Variants in DAB1 observed in about 807,000 individuals in gnomAD.
The protein encoded by DAB1 is DAB adaptor protein 1, also known as disabled homolog 1.
In DAB1, 15 loss-of-function variants were observed where a neutral mutation model predicts 64.6. The ratio of observed to expected loss-of-function variants is 0.23; its 90% CI spans 0.16 to 0.36. The LOEUF (loss-of-function observed/expected upper bound fraction) is 0.36. DAB1 is among the 10% of genes least tolerant of loss of function. The pLI, the probability that DAB1 is intolerant of heterozygous loss-of-function variation, is 1.00. For missense variants in DAB1, 596 were observed against 706.7 expected, an observed-to-expected ratio of 0.84 and a Z score of 1.78; for synonymous variants, 235 against 251.9, an observed-to-expected ratio of 0.93 and a Z score of 0.64.
chr1:57,941,652 T>A (rs549941062), intron 5 of DAB1, among the ~76,000 whole-genome samples: 1 of 152,100 alleles, frequency 6.6e-6, no homozygotes, highest in Admixed American at 6.6e-5. Flanking sequence ...CTGGCTAACA[T>A]GGTGAAACCC....
chr1:57,886,934 TG>T (rs1259039612), upstream of DAB1, among the ~76,000 whole-genome samples: 2 of 152,226 alleles, frequency 1.3e-5, no homozygotes, highest in Non-Finnish European at 2.9e-5. Context: ...GGTTGGCAAA[TG>T]GTAAGTTTGG....
chr1:58,490,678 AG>A (rs1342616484), intron 3 of DAB1, among the ~76,000 whole-genome samples: 1 of 152,044 alleles, frequency 6.6e-6, no homozygotes, highest in African/African-American at 2.4e-5. Context: ...AAAAATGTTA[AG>A]GGCAGCTAGA....
intron 9 of DAB1, among the ~76,000 whole-genome samples, chr1:57,032,742 G>C (rs577630725): frequency 1.3e-5 from 2 of 152,308 alleles, no homozygotes; most frequent in South Asian, 4.1e-4. Flanking sequence ...TTGATGCCAA[G>C]GTTGAAGATT....
At chr1:57,682,637 G>A (rs150513926) in intron 6 of DAB1, among the ~76,000 whole-genome samples, 466 of 152,136 alleles carry the variant, frequency 3.1e-3, no homozygotes, top group Non-Finnish European at 5.2e-3. Context: ...CTAGACACAG[G>A]GGACCCTGTG....
chr1:58,530,084 C>T (rs1646411301), intron 1 of DAB1, among the ~76,000 whole-genome samples: 1 of 152,016 alleles, frequency 6.6e-6, no homozygotes, highest in South Asian at 2.1e-4. Context: ...GGTTTCACCA[C>T]GTTAGCCAGG....
At position 57,949,513 on chromosome 1, in the gene DAB1, C is replaced by A. The variant is rs879845431; in HGVS notation, n.388-65351G>T. ...TATCTATCTATCTATCTATCTATATCTGTCTGTCTGTCTGTCTGTCTATCT... is the reference window on the plus strand; with the variant it reads ...TATCTATCTATCTATCTATCTATATATGTCTGTCTGTCTGTCTGTCTATCT... On this transcript the variant is annotated intron_variant and non_coding_transcript_variant, in intron 5 of 20. Transcript: ENST00000485760. 6.1e-3 allele frequency among the ~76,000 whole-genome samples: 839 copies of A among 137,576 alleles called. 3 individuals carry two copies. The highest frequency in any genetic ancestry group is 9.9e-3 in the African/African-American group (346 of 34,844). 90.3% of individuals were successfully genotyped at this position (137,576 alleles called of 152,430 possible).
chr1:58,385,071 TAA>T (rs1012022341), intron 3 of DAB1, among the ~76,000 whole-genome samples: 1 of 152,232 alleles, frequency 6.6e-6, no homozygotes, highest in African/African-American at 2.4e-5. Flanking sequence ...AAACTCATGT[TAA>T]GTGTTCTTAC....
In DAB1 at chr1:58,493,115, C is replaced by T. The variant is rs1323865473; in HGVS notation, n.257+12945G>A. 8.5e-5 allele frequency among the ~76,000 whole-genome samples: 13 copies of T among 152,058 alleles called. 1 individual carries two copies. Among genetic ancestry groups the T allele is most frequent in the African/African-American group, 1.2e-4 (5 of 41,402 alleles). On this transcript the variant is annotated intron_variant and non_coding_transcript_variant, in intron 3 of 20. Transcript: ENST00000485760. The stretch of plus-strand genomic sequence containing the variant: ...TGGGATGCAAGGCTGGTTCAACATA[C>T]GCAAATCAATAAACGTAATCCAGCA...
At chr1:57,997,660 A>G (rs774224103) in intron 5 of DAB1, among the ~76,000 whole-genome samples, 1 of 152,110 alleles carries the variant, frequency 6.6e-6, no homozygotes, top group Non-Finnish European at 1.5e-5. Context: ...ATATTGCTGA[A>G]CTGGGGGTGA....
At chr1:57,725,474 T>C (rs1354324174) in intron 6 of DAB1, among the ~76,000 whole-genome samples, 1 of 152,100 alleles carries the variant, frequency 6.6e-6, no homozygotes, top group Admixed American at 6.5e-5. Flanking sequence ...TCAGAGATAC[T>C]ACTTATACTC....
chr1:57,021,870 T>A (rs972771665), intron 11 of DAB1, among the ~76,000 whole-genome samples: 3 of 152,086 alleles, frequency 2.0e-5, no homozygotes, highest in Admixed American at 6.6e-5. Context: ...GAGACTTTCC[T>A]GTCCCTGCTA....
intron 9 of DAB1, among the ~76,000 whole-genome samples, chr1:57,051,862 G>C (rs1181170084): frequency 6.6e-6 from 1 of 152,136 alleles, no homozygotes; most frequent in Non-Finnish European, 1.5e-5. Context: ...AAAAACTCTA[G>C]AAACAGCAAG....
intron 5 of DAB1, among the ~76,000 whole-genome samples, chr1:58,125,830 G>T (rs1324918897): frequency 6.6e-6 from 1 of 152,090 alleles, no homozygotes; most frequent in African/African-American, 2.4e-5. Flanking sequence ...TTTATGGATA[G>T]GAATACCAGA....
At chr1:57,323,425 GA>G (rs201540842) in intron 1 of DAB1, among the ~76,000 whole-genome samples, 1 of 151,596 alleles carries the variant, frequency 6.6e-6, no homozygotes, top group Non-Finnish European at 1.5e-5. Context: ...GAATTGTGAA[GA>G]AAAAAAACAA....
intron 3 of DAB1, among the ~76,000 whole-genome samples, chr1:58,359,421 C>G (rs1005948172): frequency 3.9e-5 from 6 of 152,328 alleles, no homozygotes; most frequent in African/African-American, 1.4e-4. Flanking sequence ...GCTTTGTCCT[C>G]AAGATATGGC....
chr1:57,260,598 CTGAGGCTGCA>C (rs1214895608), intron 2 of DAB1, among the ~76,000 whole-genome samples: 1 of 152,152 alleles, frequency 6.6e-6, no homozygotes, highest in African/African-American at 2.4e-5. Flanking sequence ...CCCACAGATC[CTGAGGCTGCA>C]TGGCACAGAA....
intron 6 of DAB1, among the ~76,000 whole-genome samples, chr1:57,706,539 G>A (rs764153354): frequency 2.6e-5 from 4 of 151,872 alleles, no homozygotes; most frequent in Admixed American, 6.6e-5. Flanking sequence ...GGCTGGTCTC[G>A]AATTCCTGCA....
chr1:57,653,214 A>G lies in DAB1; in HGVS notation n.552-3549T>C, dbSNP rs573873406. On this transcript the variant is annotated intron_variant and non_coding_transcript_variant, in intron 6 of 20. Coordinates refer to the DAB1 transcript ENST00000485760. ...AAACCCTCCCATGAATTTCTTCCCAATTCCACAAAGATAACGACTCTCCTA... is the reference window on the plus strand; with the variant it reads ...AAACCCTCCCATGAATTTCTTCCCAGTTCCACAAAGATAACGACTCTCCTA... Among the ~76,000 whole-genome samples the G allele has an allele frequency of 4.6e-5, 7 of 152,294 alleles. No individual in the cohort carries two copies. The East Asian group carries it at 1.4e-3, about 29-fold the overall frequency.
intron 4 of DAB1, among the ~76,000 whole-genome samples, chr1:58,289,282 T>C (rs928760433): frequency 4.6e-5 from 7 of 152,206 alleles, no homozygotes; most frequent in Non-Finnish European, 8.8e-5. Flanking sequence ...GCATCTCTAA[T>C]AAAGATAATA....
Sources: gnomAD v4.1 joint callset for allele counts (sites outside exome capture counted in the v4.1 genomes callset) on GRCh38, gnomAD v4.1.1 for gene constraint, MANE v1.5 for transcripts, NCBI Gene and HGNC (gene_info 2026-07-23, HGNC 2026-07-21) for gene names.